TENM2: variants seen among roughly 807,000 people sequenced by gnomAD.
TENM2 encodes the protein teneurin-2.
A neutral mutation model predicts 245.2 loss-of-function variants in TENM2; 52 were observed. That is an observed-to-expected ratio of 0.21 (90% CI 0.17 to 0.27). TENM2 has a LOEUF of 0.27. TENM2 is among the 10% of genes least tolerant of loss of function. TENM2 has a pLI of 1.00. For synonymous variants in TENM2, 1,363 were observed against 1,438.9 expected (o/e 0.95, Z 1.19); for missense variants, 3,046 against 3,666.8 (o/e 0.83, Z 4.37).
At chr5:168,262,483 G>A (rs868385183) in exon 29 of TENM2, 12 of 1,560,206 alleles carry the variant, frequency 7.7e-6, no homozygotes, top group East Asian at 4.8e-5. Context: ...GAAGGTTCAC[G>A]AACATTGAGT....
At chr5:167,901,998 C>T (rs1182297046) in intron 3 of TENM2, among the ~76,000 whole-genome samples, 1 of 152,132 alleles carries the variant, frequency 6.6e-6, no homozygotes, top group African/African-American at 2.4e-5. Flanking sequence ...GTCTGTTTTC[C>T]CATATCCTAA....
chr5:167,797,883 G>A (rs952191596), intron 2 of TENM2, among the ~76,000 whole-genome samples: 1 of 152,188 alleles, frequency 6.6e-6, no homozygotes, highest in Non-Finnish European at 1.5e-5. Flanking sequence ...AGTTTAAGGG[G>A]AAAACATGGA....
At chr5:168,228,736 T>G (rs1446276195) in intron 25 of TENM2, among the ~76,000 whole-genome samples, 1 of 87,428 alleles carries the variant, frequency 1.1e-5, no homozygotes, top group Non-Finnish European at 1.9e-5. Flanking sequence ...CAGGGAAGAT[T>G]TCCCAAGAGG....
At chr5:167,306,888 T>A (rs1755711223) in intron 1 of TENM2, among the ~76,000 whole-genome samples, 1 of 152,202 alleles carries the variant, frequency 6.6e-6, no homozygotes, top group Non-Finnish European at 1.5e-5. Flanking sequence ...GTAAAGTTGG[T>A]ACATGAAAAT....
chr5:167,857,663 AG>A (rs1458982501), intron 2 of TENM2, among the ~76,000 whole-genome samples: 2 of 152,140 alleles, frequency 1.3e-5, no homozygotes, highest in Non-Finnish European at 2.9e-5. Context: ...CAAAGACCAT[AG>A]TTTGGAAGAT....
intron 23 of TENM2, among the ~76,000 whole-genome samples, chr5:168,223,722 C>A (rs1763884035): frequency 6.6e-6 from 1 of 152,114 alleles, no homozygotes; most frequent in Non-Finnish European, 1.5e-5. Flanking sequence ...GCCTCAGCCT[C>A]CCAAAGTGCT....
chr5:168,118,286 G>T lies in TENM2; in HGVS notation c.1814-6G>T. 1 of 1,548,254 alleles carries T rather than the reference G, an allele frequency of 6.5e-7. No homozygotes were observed. Among genetic ancestry groups the T allele is most frequent in the Non-Finnish European group, 8.8e-7 (1 of 1,137,830 alleles). ...TGACCTAGTGCTCTGTCTTTGGTTT[G>T]TGCAGCTGCCTGCCCTGTCCTGTGC... On this transcript the variant is annotated splice_region_variant and splice_polypyrimidine_tract_variant and intron_variant, in intron 9 of 28. Transcript: ENST00000518659.
intron 2 of TENM2, among the ~76,000 whole-genome samples, chr5:167,508,413 T>G (rs1451905140): frequency 1.3e-5 from 2 of 152,224 alleles, no homozygotes; most frequent in Non-Finnish European, 2.9e-5. Context: ...AACTCATTAC[T>G]TTAACTTTAT....
intron 2 of TENM2, among the ~76,000 whole-genome samples, chr5:167,508,560 T>C (rs1036125264): frequency 5.9e-5 from 9 of 152,192 alleles, no homozygotes; most frequent in African/African-American, 2.2e-4. Flanking sequence ...ATCTTTTCTA[T>C]GTATGTTATC....
At chr5:167,751,416 C>T (rs1043690400) in intron 2 of TENM2, among the ~76,000 whole-genome samples, 1 of 152,084 alleles carries the variant, frequency 6.6e-6, no homozygotes, top group East Asian at 1.9e-4. Context: ...CAGAGGATAG[C>T]ATGATAATTT....
At chr5:167,004,574 T>C in the TENM2 span, among the ~76,000 whole-genome samples, 6 of 152,254 alleles carry the variant, frequency 3.9e-5, no homozygotes, top group Non-Finnish European at 7.3e-5. Context: ...GCTAGATCCA[T>C]TGGCTTTGCT....
At chr5:167,905,268 C>T (rs903907717) in intron 3 of TENM2, among the ~76,000 whole-genome samples, 1 of 152,084 alleles carries the variant, frequency 6.6e-6, no homozygotes, top group Non-Finnish European at 1.5e-5. Flanking sequence ...TCAACCTCAT[C>T]GTTTTGTGGC....
chr5:167,527,899 A>G (rs1289284874), intron 2 of TENM2, among the ~76,000 whole-genome samples: 1 of 152,122 alleles, frequency 6.6e-6, no homozygotes. Flanking sequence ...TTTCTATCAG[A>G]GTAACTGCAC....
chr5:167,853,635 AG>A (rs1381634061), intron 2 of TENM2, among the ~76,000 whole-genome samples: 1 of 152,200 alleles, frequency 6.6e-6, no homozygotes, highest in Admixed American at 6.5e-5. Flanking sequence ...TTTACTGGAA[AG>A]GTTGAAGTAA....
At chr5:167,606,912 A>C (rs1481509065) in intron 2 of TENM2, among the ~76,000 whole-genome samples, 1 of 152,212 alleles carries the variant, frequency 6.6e-6, no homozygotes, top group African/African-American at 2.4e-5. Context: ...TTTGATGAGC[A>C]GCTTCAGGTG....
At chr5:167,839,896 C>T (rs983306109) in intron 2 of TENM2, among the ~76,000 whole-genome samples, 3 of 152,192 alleles carry the variant, frequency 2.0e-5, no homozygotes, top group African/African-American at 7.2e-5. Context: ...TGGCTCACTG[C>T]AACCTCCGCC....
intron 1 of TENM2, among the ~76,000 whole-genome samples, chr5:167,332,303 A>G (rs143446664): frequency 6.6e-6 from 1 of 152,172 alleles, no homozygotes; most frequent in Non-Finnish European, 1.5e-5. Context: ...ATTAATTATC[A>G]ATACCTTTTA....
chr5:167,381,350 A>G (rs529008647), intron 2 of TENM2, among the ~76,000 whole-genome samples: 26 of 152,278 alleles, frequency 1.7e-4, no homozygotes, highest in African/African-American at 6.3e-4. Context: ...ACTCAGTTTG[A>G]GTAATGTTAA....
chr5:167,493,324 A>G (rs1244995003), intron 2 of TENM2, among the ~76,000 whole-genome samples: 1 of 152,150 alleles, frequency 6.6e-6, no homozygotes, highest in Non-Finnish European at 1.5e-5. Context: ...TGGCACAATG[A>G]GAAACACCAT....
Sources: gnomAD v4.1 joint callset for allele counts (sites outside exome capture counted in the v4.1 genomes callset) on GRCh38, gnomAD v4.1.1 for gene constraint, MANE v1.5 for transcripts, NCBI Gene and HGNC (gene_info 2026-07-23, HGNC 2026-07-21) for gene names.